The following PLIN3 variants were observed in gnomAD, a reference collection of about 807,000 sequenced individuals.
The protein encoded by PLIN3 is perilipin-3.
In PLIN3, 30 loss-of-function variants were observed where a neutral mutation model predicts 35.9. The ratio of observed to expected loss-of-function variants is 0.84; its 90% CI spans 0.62 to 1.13. PLIN3 has a LOEUF of 1.13. PLIN3 is among the 50% of genes most tolerant of loss of function. The pLI, the probability that PLIN3 is intolerant of heterozygous loss-of-function variation, is 0.00. For synonymous variants in PLIN3, 261 were observed against 262.5 expected, an observed-to-expected ratio of 0.99 and a Z score of 0.06; for missense variants, 603 against 596.9, an observed-to-expected ratio of 1.01 and a Z score of -0.11.
chr19:4,851,985 G>A, intron 5 of PLIN3, 31 bp downstream of exon 5: 16 of 1,593,990 alleles, frequency 1.0e-5, no homozygotes, highest in Non-Finnish European at 1.3e-5. Flanking sequence ...CCTGGGGAGG[G>A]GTCCCAGAGC....
intron 1 of PLIN3, among the ~76,000 whole-genome samples, chr19:4,866,278 AAAGTG>A (rs2030855693): frequency 6.6e-6 from 1 of 152,094 alleles, no homozygotes; most frequent in African/African-American, 2.4e-5. Context: ...TCAGCCTCCC[AAAGTG>A]CTGGGATTAT....
At chr19:4,844,092 G>A (rs1024921751) in intron 7 of PLIN3, among the ~76,000 whole-genome samples, 1 of 152,040 alleles carries the variant, frequency 6.6e-6, no homozygotes, top group African/African-American at 2.4e-5. Flanking sequence ...TGGTGGGACA[G>A]GCAGCGAGAC....
Position 4,842,484 on chromosome 19 carries a change from C to G in PLIN3, c.960+2184G>C, listed in dbSNP as rs924392520. On this transcript the variant is annotated intron_variant, in intron 7 of 7. Coordinates refer to ENST00000221957, the MANE Select transcript of PLIN3 (RefSeq NM_005817.5). ...GCGTGGTGGCAGGTGCCTGTAGTCT[C>G]AGCTACTCGGGAGGCTGAGGCAGGA... is the stretch of plus-strand genomic sequence containing the variant. Among the ~76,000 whole-genome samples, 3 of 150,504 alleles carry G rather than the reference C, an allele frequency of 2.0e-5. No individual in the cohort carries two copies. The Admixed American group carries it at 2.0e-4, about 10-fold the overall frequency.
chr19:4,851,595 G>C (rs1347376776), intron 5 of PLIN3, among the ~76,000 whole-genome samples: 1 of 152,118 alleles, frequency 6.6e-6, no homozygotes, highest in African/African-American at 2.4e-5. Flanking sequence ...ACAGTTCAGT[G>C]AGATCTCAAG....
At chr19:4,846,044 G>A (rs1173091906) in intron 6 of PLIN3, among the ~76,000 whole-genome samples, 1 of 151,610 alleles carries the variant, frequency 6.6e-6, no homozygotes, top group Non-Finnish European at 1.5e-5. Context: ...CTAACACTGT[G>A]AAACCCCATC....
chr19:4,840,725 G>A (rs988892968), intron 7 of PLIN3, among the ~76,000 whole-genome samples: 5 of 152,142 alleles, frequency 3.3e-5, no homozygotes, highest in African/African-American at 7.2e-5. Flanking sequence ...GCCAAGGTGC[G>A]TGGATCACCG....
At chr19:4,856,347 T>G (rs935326286) in intron 4 of PLIN3, among the ~76,000 whole-genome samples, 3 of 151,862 alleles carry the variant, frequency 2.0e-5, no homozygotes, top group African/African-American at 7.3e-5. Flanking sequence ...TCACCTGAGG[T>G]TGGGAGTTCG....
At chr19:4,860,446 G>T (rs917789127) in intron 2 of PLIN3, among the ~76,000 whole-genome samples, 1 of 151,700 alleles carries the variant, frequency 6.6e-6, no homozygotes, top group Non-Finnish European at 1.5e-5. Context: ...CTCGTGATTC[G>T]CCCACCTCAG....
In PLIN3 at chr19:4,839,238, G is replaced by A; in HGVS notation, c.1259C>T (p.Pro420Leu). ...QNTPVTWLVGPFAPGITEKAP... is the reference protein window; with the variant it reads ...QNTPVTWLVGLFAPGITEKAP... ...TTTCTCAGTGATTCCAGGGGCAAAG[G>A]GTCCCACGAGCCACGTGACAGGTGT... The change falls in exon 8 of 8, where the codon CCC becomes CTC. Residue 420 changes from proline to leucine, a missense_variant. Transcript: ENST00000221957. 3 of 1,610,908 alleles carry A rather than the reference G, an allele frequency of 1.9e-6. No individual in the cohort carries two copies. The highest frequency in any genetic ancestry group is 1.1e-5 in the South Asian group (1 of 91,034).
chr19:4,865,307 G>A (rs188326570), intron 1 of PLIN3, among the ~76,000 whole-genome samples: 5 of 151,886 alleles, frequency 3.3e-5, no homozygotes, highest in Admixed American at 3.3e-4. Flanking sequence ...TGACCAACAT[G>A]GTGAAACCCC....
At chr19:4,856,126 T>G (rs1044100135) in intron 4 of PLIN3, among the ~76,000 whole-genome samples, 1 of 152,032 alleles carries the variant, frequency 6.6e-6, no homozygotes, top group African/African-American at 2.4e-5. Flanking sequence ...GATGCTGGGA[T>G]GCGGCTGGCT....
Position 4,860,732 on chromosome 19 carries a change from A to G in PLIN3, c.66+597T>C, listed in dbSNP as rs569838491. 1.4e-4 allele frequency among the ~76,000 whole-genome samples: 21 copies of G among 152,070 alleles called. No individual in the cohort carries two copies. The East Asian group carries it at 1.8e-3, about 13-fold the overall frequency. ...ACGCCTGTAATCCGAGCACTTTGGG[A>G]GACCGAGGCGGGTGGGTCACTTTGG... On this transcript the variant is annotated intron_variant, in intron 2 of 7. Coordinates refer to ENST00000221957, the MANE Select transcript of PLIN3 (RefSeq NM_005817.5).
In PLIN3 at chr19:4,867,352, C is replaced by T. The variant is rs542000973; in HGVS notation, c.-18+257G>A. On this transcript the variant is annotated intron_variant, in intron 1 of 7. Transcript: ENST00000221957. ...TTTAGCCCACCCCCTTCAATATCAC[C>T]CCTTCTACGGGGCTCTTTCGCCCCT... is the stretch of plus-strand genomic sequence containing the variant. Among the ~76,000 whole-genome samples the T allele has an allele frequency of 3.3e-5, 5 of 152,330 alleles. No homozygotes were observed. The East Asian group carries it at 9.7e-4, about 29-fold the overall frequency.
At chr19:4,862,608 G>A (rs986195079) in intron 1 of PLIN3, among the ~76,000 whole-genome samples, 11 of 152,134 alleles carry the variant, frequency 7.2e-5, no homozygotes, top group South Asian at 2.1e-4. Flanking sequence ...TGGGACACAC[G>A]TCAGGAAGCA....
chr19:4,846,701 G>GA (rs1316324800), intron 6 of PLIN3, among the ~76,000 whole-genome samples: 13 of 151,370 alleles, frequency 8.6e-5, no homozygotes, highest in Admixed American at 7.3e-4. Context: ...TCCGTTCAAA[G>GA]AAAAAAAAGA....
chr19:4,839,663 G>T, intron 7 of PLIN3, 127 bp from the exon 8 acceptor site: 3 of 618,856 alleles, frequency 4.8e-6, no homozygotes, highest in Non-Finnish European at 7.4e-6. Context: ...TTCCATAGGC[G>T]AAACTTTTTT....
rs547440617 is a variant in PLIN3 at position 4,865,464 on chromosome 19, G to A, written c.-18+2145C>T. Among the ~76,000 whole-genome samples the A allele has an allele frequency of 1.2e-4, 18 of 151,322 alleles. No homozygotes were observed. The South Asian group carries it at 1.7e-3, about 14-fold the overall frequency. On this transcript the variant is annotated intron_variant, in intron 1 of 7. Coordinates refer to ENST00000221957, the MANE Select transcript of PLIN3 (RefSeq NM_005817.5). ...AGATCGCACCACTGCACTCCAGCCCGGGTGACAGAGGGAGACTCCGTTTCA... is the reference window on the plus strand; with the variant it reads ...AGATCGCACCACTGCACTCCAGCCCAGGTGACAGAGGGAGACTCCGTTTCA...
rs573182208 is a variant in PLIN3, at chr19:4,853,031, C to A, written c.349-730G>T. ...GTTTCACCATGTTGGTCAGGCTGGT[C>A]TCAAACTCCTGACCTAGTGATCCGC... On this transcript the variant is annotated intron_variant, in intron 4 of 7. Transcript: ENST00000221957. 9.7e-4 allele frequency among the ~76,000 whole-genome samples: 148 copies of A among 152,220 alleles called. 2 individuals carry two copies. Among genetic ancestry groups the A allele is most frequent in the African/African-American group, 3.6e-3 (148 of 41,546 alleles).
chr19:4,849,729 T>G (rs937817903), intron 5 of PLIN3, among the ~76,000 whole-genome samples: 21 of 151,882 alleles, frequency 1.4e-4, no homozygotes, highest in African/African-American at 4.8e-4. Context: ...CTCGGCTCAC[T>G]GCAACCTCCG....
Sources: allele counts gnomAD v4.1 joint callset (sites outside exome capture counted in the v4.1 genomes callset), GRCh38; gene constraint gnomAD v4.1.1; transcripts MANE v1.5; gene names NCBI Gene and HGNC (gene_info 2026-07-23, HGNC 2026-07-21).